GLYATL2: variants seen among roughly 807,000 people sequenced by gnomAD.
GLYATL2 encodes the protein glycine N-acyltransferase-like protein 2.
In GLYATL2, 25 loss-of-function variants were observed where a neutral mutation model predicts 21.4. That is an observed-to-expected ratio of 1.17 (90% CI 0.85 to 1.63). The LOEUF (loss-of-function observed/expected upper bound fraction) is 1.63, where lower values mean the gene tolerates loss of function less well. GLYATL2 is among the 40% of genes most tolerant of loss of function. The pLI is 0.00. For synonymous variants in GLYATL2, 114 were observed against 118.2 expected, an observed-to-expected ratio of 0.96 and a Z score of 0.23; for missense variants, 361 against 343.3, an observed-to-expected ratio of 1.05 and a Z score of -0.41.
At chr11:58,856,866 A>T (rs598767) in intron 1 of GLYATL2, among the ~76,000 whole-genome samples, 1 of 152,102 alleles carries the variant, frequency 6.6e-6, no homozygotes, top group Non-Finnish European at 1.5e-5. Context: ...AAATGTAATA[A>T]AGACAGGAAG....
chr11:58,881,765 G>A (rs562808891), intron 1 of GLYATL2, among the ~76,000 whole-genome samples: 14 of 152,190 alleles, frequency 9.2e-5, no homozygotes, highest in African/African-American at 3.4e-4. Flanking sequence ...AGGCCCCAGT[G>A]TGTGATGTTC....
At chr11:58,836,736 A>G (rs1437353151) in intron 5 of GLYATL2, among the ~76,000 whole-genome samples, 2 of 152,330 alleles carry the variant, frequency 1.3e-5, no homozygotes, top group East Asian at 3.9e-4. Context: ...TGTAAGACAT[A>G]AATAGTTTCA....
At position 58,837,059 on chromosome 11, in the gene GLYATL2, T is replaced by C. The variant is rs759318143; in HGVS notation, c.432A>G (p.Ser144=). The change falls in exon 5 of 6, where the codon TCA becomes TCG. Residue 144 remains serine, a synonymous_variant. Coordinates refer to ENST00000287275, the MANE Select transcript of GLYATL2 (RefSeq NM_145016.4). ...CAAATAACTCCATCTTGTCATTACT[T>C]GAGGTCTTGTGTTTCTTTGGTAATT... ...IPELPKKHKT[S]SNDKMELFEV... 2 of 1,613,862 alleles carry C rather than the reference T, an allele frequency of 1.2e-6. No homozygotes were observed. The highest frequency in any genetic ancestry group is 1.1e-5 in the South Asian group (1 of 91,054).
At chr11:58,881,008 C>T (rs61892579) in intron 1 of GLYATL2, among the ~76,000 whole-genome samples, 15,709 of 152,162 alleles carry the variant, frequency 0.1, 993 homozygotes, top group South Asian at 0.16. Context: ...TGGTTTACTT[C>T]TCTTACATTA....
chr11:58,879,752 G>T (rs1480380004), intron 1 of GLYATL2, among the ~76,000 whole-genome samples: 2 of 152,090 alleles, frequency 1.3e-5, no homozygotes, highest in Non-Finnish European at 2.9e-5. Context: ...AATGGATGGG[G>T]GTGATGCTTG....
intron 1 of GLYATL2, among the ~76,000 whole-genome samples, chr11:58,860,794 A>G (rs1853916684): frequency 6.6e-6 from 1 of 152,006 alleles, no homozygotes; most frequent in South Asian, 2.1e-4. Flanking sequence ...ATTTGTTGAG[A>G]GTTCATAATC....
At chr11:58,851,904 C>T (rs477892) in intron 1 of GLYATL2, among the ~76,000 whole-genome samples, 135,057 of 152,212 alleles carry the variant, frequency 0.89, 61,075 homozygotes, top group Non-Finnish European at 0.98. Context: ...TGATAGCCTA[C>T]TGAGACGAGA....
At chr11:58,842,791 C>A (rs1853577493) in intron 1 of GLYATL2, among the ~76,000 whole-genome samples, 1 of 152,124 alleles carries the variant, frequency 6.6e-6, no homozygotes, top group African/African-American at 2.4e-5. Context: ...TTCATAGAGG[C>A]AAGAGGTGCT....
chr11:58,835,420 G>T (rs568535518), intron 5 of GLYATL2, among the ~76,000 whole-genome samples: 2 of 152,176 alleles, frequency 1.3e-5, no homozygotes, highest in East Asian at 3.9e-4. Flanking sequence ...CTAACCATTG[G>T]GATTCTAATC....
chr11:58,909,803 A>G, the GLYATL2 span, among the ~76,000 whole-genome samples: 1 of 152,334 alleles, frequency 6.6e-6, no homozygotes, highest in South Asian at 2.1e-4. Flanking sequence ...ATTTTCTAAT[A>G]ATGAAACAAT....
In GLYATL2 at chr11:58,879,630, A is replaced by T. The variant is rs555087452; in HGVS notation, n.60+24526T>A. ...TTATATTAAGTACCTAGAATAGGCA[A>T]ATTCCTAGAGTCATAAAGTAAAATA... On this transcript the variant is annotated intron_variant and non_coding_transcript_variant, in intron 1 of 4. Coordinates refer to the GLYATL2 transcript ENST00000533636. Among the ~76,000 whole-genome samples the T allele has an allele frequency of 1.1e-4, 16 of 152,298 alleles. No homozygotes were observed. The South Asian group carries it at 2.9e-3, about 28-fold the overall frequency.
intron 1 of GLYATL2, chr11:58,892,685 G>A: frequency 2.8e-6 from 1 of 358,410 alleles, no homozygotes. Flanking sequence ...TTTAGGTGAG[G>A]GGATAAGAGC....
intron 1 of GLYATL2, among the ~76,000 whole-genome samples, chr11:58,897,484 G>A (rs1565110506): frequency 2.0e-5 from 3 of 152,044 alleles, no homozygotes; most frequent in South Asian, 2.1e-4. Flanking sequence ...GACCTACCAA[G>A]GCCTAGAGAT....
intron 1 of GLYATL2, among the ~76,000 whole-genome samples, chr11:58,861,039 T>C (rs1030813152): frequency 1.3e-5 from 2 of 152,116 alleles, no homozygotes; most frequent in African/African-American, 4.8e-5. Flanking sequence ...TCATCAGTGC[T>C]ATTGCCTATT....
intron 1 of GLYATL2, among the ~76,000 whole-genome samples, chr11:58,880,424 G>T (rs1270453783): frequency 6.6e-6 from 1 of 152,140 alleles, no homozygotes; most frequent in East Asian, 1.9e-4. Context: ...TAGTGTGGGG[G>T]TTGTTCTCAT....
chr11:58,891,529 C>T (rs1220777767), intron 1 of GLYATL2, among the ~76,000 whole-genome samples: 3 of 152,150 alleles, frequency 2.0e-5, no homozygotes, highest in Non-Finnish European at 1.5e-5. Flanking sequence ...TGCCCAAGCC[C>T]TGGATGGACA....
At chr11:58,856,506 C>T (rs1853829904) in intron 1 of GLYATL2, among the ~76,000 whole-genome samples, 1 of 152,212 alleles carries the variant, frequency 6.6e-6, no homozygotes, top group Non-Finnish European at 1.5e-5. Context: ...ACCTGCCTTC[C>T]TCCCTATGCT....
intron 1 of GLYATL2, among the ~76,000 whole-genome samples, chr11:58,853,509 C>G (rs761218335): frequency 1.3e-5 from 2 of 152,050 alleles, no homozygotes; most frequent in African/African-American, 4.8e-5. Context: ...TACTGAGGGA[C>G]GACTGTAGTA....
chr11:58,909,199 G>C (rs188177008), upstream of GLYATL2, among the ~76,000 whole-genome samples: 134 of 152,280 alleles, frequency 8.8e-4, no homozygotes, highest in African/African-American at 3.1e-3. Context: ...ATCTAAAATT[G>C]TCAAACTCAT....
Sources: allele counts gnomAD v4.1 joint callset (sites outside exome capture counted in the v4.1 genomes callset), GRCh38; gene constraint gnomAD v4.1.1; transcripts MANE v1.5; gene names NCBI Gene and HGNC (gene_info 2026-07-23, HGNC 2026-07-21).